Variants in LRMDA observed in about 807,000 individuals in gnomAD.
LRMDA encodes the protein leucine rich melanocyte differentiation associated.
In LRMDA, 18 loss-of-function variants were observed where a neutral mutation model predicts 29.8. That is an observed-to-expected ratio of 0.60 (90% confidence interval 0.42 to 0.90). The LOEUF (loss-of-function observed/expected upper bound fraction) is 0.90, where lower values mean the gene tolerates loss of function less well. Ranked by LOEUF, LRMDA falls within the 40% of genes least tolerant of loss-of-function variation. The pLI is 0.00. For missense variants in LRMDA, 273 were observed against 273.9 expected (o/e 1.00, Z 0.02); for synonymous variants, 125 against 109.4 (o/e 1.14, Z -0.89).
intron 3 of LRMDA, among the ~76,000 whole-genome samples, chr10:76,036,591 T>C (rs1848250853): frequency 6.6e-6 from 1 of 152,176 alleles, no homozygotes; most frequent in Non-Finnish European, 1.5e-5. Context: ...TGGGGCAGGC[T>C]TGGGGAACCG....
intron 2 of LRMDA, among the ~76,000 whole-genome samples, chr10:75,838,390 T>A (rs1212799249): frequency 6.6e-6 from 1 of 152,234 alleles, no homozygotes; most frequent in African/African-American, 2.4e-5. Flanking sequence ...TTTTTCTTGC[T>A]TTTCATGCTT....
chr10:75,855,481 T>C (rs1325997360), intron 2 of LRMDA, among the ~76,000 whole-genome samples: 3 of 152,336 alleles, frequency 2.0e-5, no homozygotes, highest in Admixed American at 2.0e-4. Context: ...GTCAGATGAG[T>C]AGATTGCAGA....
chr10:75,497,192 CAAGAATAGA>C (rs773078439), intron 2 of LRMDA, among the ~76,000 whole-genome samples: 53 of 151,930 alleles, frequency 3.5e-4, no homozygotes, highest in Admixed American at 1.4e-3. Context: ...TCCAAGATGT[CAAGAATAGA>C]AAGATCCAGT....
intron 2 of LRMDA, among the ~76,000 whole-genome samples, chr10:75,988,900 G>A (rs887587073): frequency 6.6e-6 from 1 of 152,100 alleles, no homozygotes; most frequent in Non-Finnish European, 1.5e-5. Flanking sequence ...TTCTATTTCA[G>A]TATCTCTTTC....
intron 2 of LRMDA, among the ~76,000 whole-genome samples, chr10:76,012,357 A>G (rs1039311414): frequency 8.5e-5 from 13 of 152,156 alleles, no homozygotes; most frequent in Admixed American, 5.9e-4. Flanking sequence ...GCCCAGATAC[A>G]GCATGAGAGC....
At chr10:76,348,013 G>A (rs982223272) in intron 6 of LRMDA, among the ~76,000 whole-genome samples, 14 of 152,116 alleles carry the variant, frequency 9.2e-5, no homozygotes, top group Non-Finnish European at 2.1e-4. Context: ...AGGAGGTGTG[G>A]TACATGCATG....
chr10:75,771,232 C>T (rs1055556401), intron 2 of LRMDA, among the ~76,000 whole-genome samples: 1 of 151,930 alleles, frequency 6.6e-6, no homozygotes, highest in Non-Finnish European at 1.5e-5. Flanking sequence ...TTGGCTCACT[C>T]TACACAGGTT....
At chr10:75,458,129 TAGA>T (rs201105231) in intron 2 of LRMDA, among the ~76,000 whole-genome samples, 1,815 of 152,334 alleles carry the variant, frequency 0.012, 21 homozygotes, top group Admixed American at 0.026. Flanking sequence ...AAATGGGAGA[TAGA>T]AGGAGTTGTG....
At chr10:75,576,632 C>A (rs563132285) in intron 2 of LRMDA, among the ~76,000 whole-genome samples, 1 of 152,174 alleles carries the variant, frequency 6.6e-6, no homozygotes, top group Non-Finnish European at 1.5e-5. Context: ...CTCTGTTTGG[C>A]ATCTGGCAGG....
intron 5 of LRMDA, among the ~76,000 whole-genome samples, chr10:76,105,643 G>A (rs1011321760): frequency 1.3e-5 from 2 of 152,114 alleles, no homozygotes; most frequent in East Asian, 1.9e-4. Flanking sequence ...AACTGGAAGC[G>A]GCAAGGATGG....
intron 5 of LRMDA, among the ~76,000 whole-genome samples, chr10:76,192,721 A>C (rs1462702528): frequency 6.6e-6 from 1 of 152,186 alleles, no homozygotes; most frequent in Admixed American, 6.5e-5. Flanking sequence ...TTTTTTAGAA[A>C]TCTTTCCCAG....
chr10:75,709,388 CTG>C (rs1056603816), intron 2 of LRMDA, among the ~76,000 whole-genome samples: 2 of 150,206 alleles, frequency 1.3e-5, no homozygotes, highest in Non-Finnish European at 3.0e-5. Context: ...GTATGTGTGC[CTG>C]TGTGTGTGCA....
chr10:75,814,522 A>T (rs1205706307), intron 2 of LRMDA, among the ~76,000 whole-genome samples: 1 of 152,156 alleles, frequency 6.6e-6, no homozygotes, highest in Admixed American at 6.5e-5. Flanking sequence ...TAATCTTAAG[A>T]CACCTTTTTC....
At chr10:75,666,062 G>A (rs573147130) in intron 2 of LRMDA, among the ~76,000 whole-genome samples, 1 of 152,044 alleles carries the variant, frequency 6.6e-6, no homozygotes, top group East Asian at 1.9e-4. Flanking sequence ...ATTTATGTAA[G>A]AATTATGATT....
At chr10:75,442,821 TTGA>T (rs1844344501) in intron 2 of LRMDA, among the ~76,000 whole-genome samples, 1 of 152,142 alleles carries the variant, frequency 6.6e-6, no homozygotes, top group Admixed American at 6.5e-5. Context: ...ATTGAAACTG[TTGA>T]TTGCTTTAGG....
At chr10:76,538,950 A>G (rs1843322548) in intron 6 of LRMDA, among the ~76,000 whole-genome samples, 2 of 151,986 alleles carry the variant, frequency 1.3e-5, no homozygotes, top group South Asian at 4.2e-4. Context: ...TTCTTTTTAG[A>G]GGTGGGAGTG....
At chr10:75,923,087 A>G (rs1187553631) in intron 2 of LRMDA, among the ~76,000 whole-genome samples, 1 of 152,182 alleles carries the variant, frequency 6.6e-6, no homozygotes, top group Non-Finnish European at 1.5e-5. Flanking sequence ...AACCTGAAAC[A>G]CACTCTGCCC....
At chr10:75,976,061 T>C (rs80177106) in intron 2 of LRMDA, among the ~76,000 whole-genome samples, 1 of 152,244 alleles carries the variant, frequency 6.6e-6, no homozygotes, top group East Asian at 1.9e-4. Context: ...GTCACTCTCT[T>C]GCTGAATTCC....
At position 76,266,154 on chromosome 10, in the gene LRMDA, A is replaced by G. The variant is rs529266249; in HGVS notation, c.517-58247A>G. The stretch of plus-strand genomic sequence containing the variant: ...GTTGTTGGGAGGATTAACCGGGATA[A>G]TAAAAAAGTGTGTATGAAAATGCTT... On this transcript the variant is annotated intron_variant, in intron 5 of 6. Coordinates refer to ENST00000611255, the MANE Select transcript of LRMDA (RefSeq NM_001305581.2). Among the ~76,000 whole-genome samples the G allele has an allele frequency of 5.3e-5, 8 of 152,358 alleles. No homozygotes were observed. In the South Asian group the frequency reaches 1.7e-3, roughly 32 times the overall value.
Sources: gnomAD v4.1 joint callset for allele counts (sites outside exome capture counted in the v4.1 genomes callset) on GRCh38, gnomAD v4.1.1 for gene constraint, MANE v1.5 for transcripts, NCBI Gene and HGNC (gene_info 2026-07-23, HGNC 2026-07-21) for gene names.